GOLGA4: variants seen among roughly 807,000 people sequenced by gnomAD.
GOLGA4 encodes the protein golgin subfamily A member 4.
Under a neutral mutation model 265.9 loss-of-function variants are expected in GOLGA4, and 169 were observed. That is an observed-to-expected ratio of 0.64 (90% CI 0.56 to 0.72). The LOEUF is 0.72. Ranked by LOEUF, GOLGA4 falls within the 30% of genes least tolerant of loss-of-function variation. The pLI is 0.00. For missense variants in GOLGA4, 2,482 were observed against 2,483.4 expected, an observed-to-expected ratio of 1.00 and a Z score of 0.01; for synonymous variants, 923 against 855.8, an observed-to-expected ratio of 1.08 and a Z score of -1.37.
At position 37,323,872 on chromosome 3, in the gene GOLGA4, T is replaced by G. The variant is rs370019166; in HGVS notation, c.1986T>G (p.Ile662Met). Residue 662 changes from isoleucine to methionine, a missense_variant, in exon 14 of 24, where the codon ATT (isoleucine) becomes ATG (methionine). By Grantham distance (10) the Ile-to-Met change is conservative (BLOSUM62 1). Around this residue, in one of 3 missense-constraint regions of GOLGA4, gnomAD observed 1,536 missense variants for 1,483.7 expected, o/e 1.04. Coordinates refer to ENST00000361924, the MANE Select transcript of GOLGA4 (RefSeq NM_002078.5). Reference protein sequence around the residue: ...EKETLLKDKEIIFQAHIEEMN... With the variant: ...EKETLLKDKEMIFQAHIEEMN... ...AAACATTGTTGAAAGACAAAGAGAT[T>G]ATCTTCCAGGCCCACATAGAAGAAA... is the stretch of plus-strand genomic sequence containing the variant. 8.7e-6 allele frequency: 14 copies of G among 1,612,764 alleles called. No homozygotes were observed. The highest frequency in any genetic ancestry group is 1.1e-5 in the Non-Finnish European group (13 of 1,179,734).
At position 37,325,528 on chromosome 3, in the gene GOLGA4, G is replaced by A. The variant is rs751787587; in HGVS notation, c.3642G>A (p.Ala1214=). The part of the protein sequence containing the change: ...LEFKKLSEEL[A]IQLDICCKKT... ...TTAAAAAACTGTCTGAGGAACTAGC[G>A]ATTCAGCTAGATATTTGCTGTAAGA... Residue 1214 remains alanine (A), a synonymous_variant, in exon 14 of 24, where the codon GCG becomes GCA. Coordinates refer to ENST00000361924, the MANE Select transcript of GOLGA4 (RefSeq NM_002078.5). 6.8e-5 allele frequency: 110 copies of A among 1,613,610 alleles called. No individual in the cohort carries two copies. The highest frequency in any genetic ancestry group is 4.5e-5 in the East Asian group (2 of 44,874).
intron 4 of GOLGA4, 77 bp downstream of exon 4, chr3:37,286,138 CTTTTTTTT>C (rs71094903): frequency 3.5e-5 from 8 of 225,748 alleles, no homozygotes; most frequent in East Asian, 1.2e-4. Flanking sequence ...ATATTTCTTT[CTTTTTTTT>C]TTTTTTTTTT....
chr3:37,320,774 T>C (rs2150949057), intron 12 of GOLGA4, among the ~76,000 whole-genome samples: 1 of 152,340 alleles, frequency 6.6e-6, no homozygotes, highest in East Asian at 1.9e-4. Context: ...AGCCTTAATA[T>C]ACACATGCGT....
intron 3 of GOLGA4, among the ~76,000 whole-genome samples, chr3:37,283,115 C>T (rs917242782): frequency 6.6e-6 from 1 of 152,060 alleles, no homozygotes. Flanking sequence ...ATAGTTGTAA[C>T]TTCTGTTTCC....
At chr3:37,351,771 A>G (rs2097075269) in intron 21 of GOLGA4, among the ~76,000 whole-genome samples, 1 of 152,088 alleles carries the variant, frequency 6.6e-6, no homozygotes, top group African/African-American at 2.4e-5. Flanking sequence ...GGCTTCAGAT[A>G]TTCAGAAAAC....
intron 22 of GOLGA4, among the ~76,000 whole-genome samples, chr3:37,358,254 A>T (rs1472431375): frequency 6.6e-6 from 1 of 152,194 alleles, no homozygotes; most frequent in East Asian, 1.9e-4. Context: ...TTGTAGCACT[A>T]ATCAAAAGCT....
At chr3:37,345,006 G>A (rs991150393) in intron 20 of GOLGA4, among the ~76,000 whole-genome samples, 5 of 152,054 alleles carry the variant, frequency 3.3e-5, no homozygotes, top group African/African-American at 1.2e-4. Flanking sequence ...CTTGAGCCCA[G>A]GAGTTTGAGA....
intron 10 of GOLGA4, 138 bp from the exon 11 acceptor site, chr3:37,315,282 C>T (rs1412518756): frequency 4.2e-6 from 3 of 713,548 alleles, no homozygotes; most frequent in South Asian, 4.1e-5. Flanking sequence ...ACTCCAGTAT[C>T]TCTTGGCTTA....
At chr3:37,336,322 C>T (rs1381711357) in intron 17 of GOLGA4, among the ~76,000 whole-genome samples, 1 of 152,110 alleles carries the variant, frequency 6.6e-6, no homozygotes, top group Non-Finnish European at 1.5e-5. Context: ...AACTGTCTAA[C>T]ATGAGCGTTT....
At chr3:37,297,959 G>A (rs574106756) in intron 7 of GOLGA4, among the ~76,000 whole-genome samples, 17 of 152,074 alleles carry the variant, frequency 1.1e-4, no homozygotes, top group African/African-American at 1.7e-4. Flanking sequence ...AACCAGGGAG[G>A]TGGAGGTTGC....
At chr3:37,264,282 C>A (rs1273733189) in intron 2 of GOLGA4, among the ~76,000 whole-genome samples, 1 of 152,094 alleles carries the variant, frequency 6.6e-6, no homozygotes, top group Non-Finnish European at 1.5e-5. Context: ...TAGCCTTTAA[C>A]TTAAATTTAA....
In GOLGA4 at chr3:37,357,769, T is replaced by G. The variant is rs1260709726; in HGVS notation, c.6663+2582T>G. On this transcript the variant is annotated intron_variant, in intron 22 of 23. Transcript: ENST00000361924. ...TCAGCTAATTTCATATCCCTGTCCATTGAGCTGTAGCTCGCTAGAACAAAA... is the reference window on the plus strand; with the variant it reads ...TCAGCTAATTTCATATCCCTGTCCAGTGAGCTGTAGCTCGCTAGAACAAAA... Among the ~76,000 whole-genome samples, 16 of 152,340 alleles carry G rather than the reference T, an allele frequency of 1.1e-4. No homozygotes were observed. In the East Asian group the frequency reaches 3.1e-3, roughly 29 times the overall value.
chr3:37,314,296 G>T (rs1399163325), intron 10 of GOLGA4, among the ~76,000 whole-genome samples: 1 of 152,020 alleles, frequency 6.6e-6, no homozygotes. Flanking sequence ...TTACACACCT[G>T]TTGCACCCGT....
intron 3 of GOLGA4, 71 bp from the exon 4 acceptor site, chr3:37,285,943 A>T (rs2096847341): frequency 1.1e-6 from 1 of 906,612 alleles, no homozygotes; most frequent in South Asian, 1.6e-5. Flanking sequence ...CATAAAGAGA[A>T]TTTTTTAGTG....
intron 2 of GOLGA4, chr3:37,275,562 G>A: frequency 9.4e-7 from 1 of 1,060,744 alleles, no homozygotes; most frequent in Non-Finnish European, 1.5e-6. Context: ...TGTGAGGAAG[G>A]GGGCCTAGGC....
intron 21 of GOLGA4, among the ~76,000 whole-genome samples, chr3:37,351,604 C>T (rs2097074713): frequency 6.6e-6 from 1 of 152,160 alleles, no homozygotes; most frequent in Non-Finnish European, 1.5e-5. Flanking sequence ...GTTGGAATTA[C>T]TTCTTGATCC....
intron 2 of GOLGA4, chr3:37,273,678 C>A: frequency 1.3e-6 from 1 of 760,740 alleles, no homozygotes; most frequent in Non-Finnish European, 2.3e-6. Flanking sequence ...TTATTAGCAT[C>A]TGACTTTACA....
intron 2 of GOLGA4, chr3:37,266,697 G>C: frequency 3.1e-6 from 1 of 321,996 alleles, no homozygotes; most frequent in Non-Finnish European, 6.2e-6. Context: ...AGATGGTGGT[G>C]GTGGTGGTGG....
chr3:37,307,631 C>CAA (rs57627239), intron 10 of GOLGA4, among the ~76,000 whole-genome samples: 3 of 130,254 alleles, frequency 2.3e-5, no homozygotes, highest in African/African-American at 8.5e-5. Flanking sequence ...GTTTCTCAGG[C>CAA]AAAAAAAAAA....
Sources: allele counts gnomAD v4.1 joint callset (sites outside exome capture counted in the v4.1 genomes callset), GRCh38; gene constraint gnomAD v4.1.1; regional missense constraint gnomAD v4.1.1; transcripts MANE v1.5; gene names NCBI Gene and HGNC (gene_info 2026-07-23, HGNC 2026-07-21).